EBF4: variants seen among roughly 807,000 people sequenced by gnomAD.
EBF4 encodes the protein transcription factor COE4.
In EBF4, 34 loss-of-function variants were observed where a neutral mutation model predicts 67.1. The ratio of observed to expected loss-of-function variants is 0.51; its 90% CI spans 0.39 to 0.67. The LOEUF (loss-of-function observed/expected upper bound fraction) is 0.67. Among genes scored for constraint, EBF4 ranks in the 30% least tolerant of loss-of-function variants. EBF4 has a pLI of 0.00. For missense variants in EBF4, 837 were observed against 873.3 expected (o/e 0.96, Z 0.52); for synonymous variants, 387 against 377.7 (o/e 1.02, Z -0.29).
chr20:2,735,177 C>G (rs941543618), intron 6 of EBF4, among the ~76,000 whole-genome samples: 5 of 152,134 alleles, frequency 3.3e-5, no homozygotes, highest in Non-Finnish European at 5.9e-5. Context: ...TGAATCGGGT[C>G]AAATAACAAG....
At chr20:2,738,082 G>A (rs552290786) in intron 6 of EBF4, among the ~76,000 whole-genome samples, 100 of 152,236 alleles carry the variant, frequency 6.6e-4, no homozygotes, top group African/African-American at 2.2e-3. Context: ...TGAATAGGAA[G>A]GGGGACATTC....
chr20:2,705,525 CTT>C (rs2087439969), intron 1 of EBF4, 50 bp from the exon 2 acceptor site: 1 of 1,551,280 alleles, frequency 6.4e-7, no homozygotes. Flanking sequence ...GCGCTGGAGT[CTT>C]TCTCACTGGG....
chr20:2,713,787 T>C (rs1236044461), intron 6 of EBF4, among the ~76,000 whole-genome samples: 9 of 152,078 alleles, frequency 5.9e-5, no homozygotes. Flanking sequence ...CAAAGGATTG[T>C]TGGAGTTGAG....
chr20:2,703,509 G>A lies in EBF4; in HGVS notation c.138-2068G>A, dbSNP rs1021728990. Reference sequence around the variant, plus strand: ...AGCACTTTGGGAGTCCAAGGCAGAAGGATCATTTAGCCGGGTGTGGAGGCA... The same window carrying A: ...AGCACTTTGGGAGTCCAAGGCAGAAAGATCATTTAGCCGGGTGTGGAGGCA... On this transcript the variant is annotated intron_variant, in intron 1 of 16. Transcript: ENST00000609451. Among the ~76,000 whole-genome samples, 7 of 152,038 alleles carry A rather than the reference G, an allele frequency of 4.6e-5. No homozygotes were observed. In the East Asian group the frequency reaches 1.4e-3, roughly 29 times the overall value.
Position 2,696,922 on chromosome 20 carries a change from C to T in EBF4, c.137+3140C>T, listed in dbSNP as rs1055788497. Among the ~76,000 whole-genome samples, 4 of 152,162 alleles carry T rather than the reference C, an allele frequency of 2.6e-5. No homozygotes were observed. The highest frequency in any genetic ancestry group is 4.4e-5 in the Non-Finnish European group (3 of 68,026). The stretch of plus-strand genomic sequence containing the variant: ...TTCCCCTAAGGCAAGGGTAGCGGTC[C>T]GTTCATCCTTGTGTCCACAGCACCC... On this transcript the variant is annotated intron_variant, in intron 1 of 16. Transcript: ENST00000609451. This position sits in a 1 kb window ranked among gnomAD's most constrained non-coding sequence, Gnocchi z 4.7.
chr20:2,693,753 C>T lies in EBF4; in HGVS notation c.108C>T (p.Gly36=). Reference sequence around the variant, plus strand: ...TGCGCTCCTGGATGCAGGGCGCGGGCATCCTGGACGCCAGCACCGCGGCGC... The same window carrying T: ...TGCGCTCCTGGATGCAGGGCGCGGGTATCCTGGACGCCAGCACCGCGGCGC... Residue 36 remains glycine, a synonymous_variant, in exon 1 of 17, where the codon GGC becomes GGT. Coordinates refer to ENST00000609451, the Ensembl canonical transcript of EBF4. This position sits in a 1 kb window ranked among gnomAD's most constrained non-coding sequence, Gnocchi z 4.6. 2 of 1,345,832 alleles carry T rather than the reference C, an allele frequency of 1.5e-6. No individual in the cohort carries two copies. The highest frequency in any genetic ancestry group is 1.9e-6 in the Non-Finnish European group (2 of 1,051,584). 83.4% of individuals were successfully genotyped at this position (1,345,832 alleles called of 1,614,324 possible).
At chr20:2,717,135 A>G (rs995973754) in intron 6 of EBF4, among the ~76,000 whole-genome samples, 3 of 152,112 alleles carry the variant, frequency 2.0e-5, no homozygotes, top group African/African-American at 7.2e-5. Flanking sequence ...GCTTTTCAAT[A>G]TAGTTTTATA....
chr20:2,731,144 G>A (rs1027841170), intron 6 of EBF4, among the ~76,000 whole-genome samples: 5 of 152,236 alleles, frequency 3.3e-5, no homozygotes, highest in Non-Finnish European at 5.9e-5. Flanking sequence ...TGATCCGCCC[G>A]CCTCAGCCTC....
At position 2,752,256 on chromosome 20, in the gene EBF4, CG is replaced by C; in HGVS notation, c.1345del (p.Glu449SerfsTer98). 7.9e-7 allele frequency: 1 copy of C among 1,267,736 alleles called. No individual in the cohort carries two copies. The highest frequency in any genetic ancestry group is 2.8e-5 in the South Asian group (1 of 36,264). The allele number at this position is 1,267,736 out of a possible 1,614,324, so 78.5% of individuals were successfully genotyped here. ...CCGTCGGGGACGCCACCCCGGGGCC[CG>C]AGCCGGGTGCGTGGGCCGCGCCTCC... On this transcript the variant is annotated frameshift_variant, in exon 13 of 17. Coordinates refer to ENST00000609451, the Ensembl canonical transcript of EBF4. LOFTEE classifies it high-confidence loss of function.
intron 6 of EBF4, among the ~76,000 whole-genome samples, chr20:2,736,767 T>A (rs1046990926): frequency 6.6e-6 from 1 of 150,960 alleles, no homozygotes; most frequent in Admixed American, 6.6e-5. Flanking sequence ...GCAGAGGGGG[T>A]TCAAGAGAGA....
chr20:2,697,463 T>G (rs1325093451), intron 1 of EBF4, among the ~76,000 whole-genome samples: 2 of 151,442 alleles, frequency 1.3e-5, no homozygotes, highest in South Asian at 2.1e-4. Context: ...GAGAATGGCG[T>G]GAACCCGGGA....
At chr20:2,728,571 A>G (rs115391524) in intron 6 of EBF4, among the ~76,000 whole-genome samples, 1,699 of 152,250 alleles carry the variant, frequency 0.011, 24 homozygotes, top group African/African-American at 0.038. Flanking sequence ...CACAGTGGCA[A>G]TCTGTCATTT....
At chr20:2,704,383 C>G (rs114010323) in intron 1 of EBF4, among the ~76,000 whole-genome samples, 1 of 152,194 alleles carries the variant, frequency 6.6e-6, no homozygotes, top group South Asian at 2.1e-4. Context: ...AAGGAACACA[C>G]TTTGGAAGGC....
chr20:2,701,372 C>T (rs1045541475), intron 1 of EBF4, among the ~76,000 whole-genome samples: 1 of 152,336 alleles, frequency 6.6e-6, no homozygotes. Flanking sequence ...GTCTTCCCCC[C>T]TCCCAGGTCC....
At position 2,751,892 on chromosome 20, in the gene EBF4, C is replaced by G. The variant is rs1035848886; in HGVS notation, c.1108-30C>G. 1.4e-5 allele frequency: 22 copies of G among 1,549,148 alleles called. No homozygotes were observed. Among genetic ancestry groups the G allele is most frequent in the Non-Finnish European group, 1.8e-5 (21 of 1,146,734 alleles). On this transcript the variant is annotated intron_variant, in intron 11 of 16. Coordinates refer to ENST00000609451, the Ensembl canonical transcript of EBF4. This position sits in a 1 kb window ranked among gnomAD's most constrained non-coding sequence, Gnocchi z 5.2. The stretch of plus-strand genomic sequence containing the variant: ...TTGGTCGCCCCCAGGGGCTGCCCCT[C>G]CGTCCCGCTGTCTCTCCCCCTGTCC...
At chr20:2,697,394 A>C (rs1169474965) in intron 1 of EBF4, among the ~76,000 whole-genome samples, 2 of 151,548 alleles carry the variant, frequency 1.3e-5, no homozygotes, top group East Asian at 1.9e-4. Flanking sequence ...AAATACAAAA[A>C]ATTAGCCGGG....
chr20:2,708,070 G>T, intron 5 of EBF4, 50 bp downstream of exon 5: 1 of 1,559,094 alleles, frequency 6.4e-7, no homozygotes. Context: ...AGGCGTTTCT[G>T]AGGACTCTAC....
At chr20:2,693,125 C>A, upstream of EBF4, 1 of 162,748 alleles carries the variant, frequency 6.1e-6, no homozygotes, top group Non-Finnish European at 1.3e-5. This position sits in a 1 kb window ranked among gnomAD's most constrained non-coding sequence, Gnocchi z 4.6. Flanking sequence ...GAGCTCCGCG[C>A]CCGCAGCCTC....
chr20:2,724,582 C>T (rs957620764), intron 6 of EBF4, among the ~76,000 whole-genome samples: 2 of 152,082 alleles, frequency 1.3e-5, no homozygotes, highest in African/African-American at 2.4e-5. Context: ...TTACTTAGTA[C>T]TTTGAATATA....
Sources: gnomAD v4.1 joint callset for allele counts (sites outside exome capture counted in the v4.1 genomes callset) on GRCh38, gnomAD v4.1.1 for gene constraint, Gnocchi (gnomAD v3.1) non-coding constraint, MANE v1.5 for transcripts, NCBI Gene and HGNC (gene_info 2026-07-23, HGNC 2026-07-21) for gene names.